TOP1: variants seen among roughly 807,000 people sequenced by gnomAD.
TOP1 encodes DNA topoisomerase 1.
A neutral mutation model predicts 111.1 loss-of-function variants in TOP1; 10 were observed. The ratio of observed to expected loss-of-function variants is 0.09; its 90% confidence interval spans 0.06 to 0.15. The LOEUF (loss-of-function observed/expected upper bound fraction) is 0.15, where lower values mean the gene tolerates loss of function less well. TOP1 is among the 10% of genes least tolerant of loss of function. The pLI is 1.00. For missense variants in TOP1, 474 were observed against 926.7 expected, an observed-to-expected ratio of 0.51 and a Z score of 6.34; for synonymous variants, 271 against 302.9, an observed-to-expected ratio of 0.89 and a Z score of 1.10.
chr20:41,028,885 A>G lies in TOP1; in HGVS notation c.-183A>G. The G allele has an allele frequency of 1.8e-6, 1 of 565,222 alleles. No homozygotes were observed. The highest frequency in any genetic ancestry group is 3.1e-6 in the Non-Finnish European group (1 of 321,914). 35.0% of individuals were successfully genotyped at this position (565,222 alleles called of 1,614,324 possible). A position where few individuals can be genotyped will look rare whatever the true frequency, so the allele number is the denominator to read the frequency against. Reference sequence around the variant, plus strand: ...TGTTCTCGCCGCCCGCCCGGCAGTCAGGCAGCGTCGCCGCCGTGGTAGCAG... The same window carrying G: ...TGTTCTCGCCGCCCGCCCGGCAGTCGGGCAGCGTCGCCGCCGTGGTAGCAG... On this transcript the variant is annotated 5_prime_UTR_variant, in exon 1 of 21. Transcript: ENST00000361337.
In TOP1 at chr20:41,114,900, A is replaced by G. The variant is rs1459905830; in HGVS notation, c.1639-471A>G. On this transcript the variant is annotated intron_variant, in intron 15 of 20. Coordinates refer to ENST00000361337, the MANE Select transcript of TOP1 (RefSeq NM_003286.4). The surrounding 1 kb of genome is among the most constrained non-coding windows in gnomAD (Gnocchi z 4.5). ...CATAAGGACACCATAATCAGTAATC[A>G]GGTTTTGCTGGCTGTGGAAGTACTC... 6.6e-6 allele frequency among the ~76,000 whole-genome samples: 1 copy of G among 152,214 alleles called. No homozygotes were observed. The highest frequency in any genetic ancestry group is 6.5e-5 in the Admixed American group (1 of 15,286).
At chr20:41,085,094 AAAACTC>A (rs2145940968) in intron 8 of TOP1, among the ~76,000 whole-genome samples, 1 of 152,278 alleles carries the variant, frequency 6.6e-6, no homozygotes, top group East Asian at 1.9e-4. Flanking sequence ...AAAAAAAAAA[AAAACTC>A]AAGGCAAAAT....
chr20:41,117,337 AAATAAT>A, intron 17 of TOP1, among the ~76,000 whole-genome samples: 1 of 151,866 alleles, frequency 6.6e-6, no homozygotes, highest in African/African-American at 2.4e-5. Flanking sequence ...GCTATCTCTA[AAATAAT>A]AATAATAACC....
intron 2 of TOP1, among the ~76,000 whole-genome samples, chr20:41,052,922 G>GGA (rs1326923474): frequency 2.6e-5 from 4 of 152,118 alleles, no homozygotes; most frequent in Non-Finnish European, 5.9e-5. Context: ...CCTGGGAGGC[G>GGA]GAGGTTGCAG....
chr20:41,085,871 G>C (rs2033841835), intron 8 of TOP1, among the ~76,000 whole-genome samples: 1 of 152,238 alleles, frequency 6.6e-6, no homozygotes, highest in African/African-American at 2.4e-5. Flanking sequence ...ACAGCTATGT[G>C]ATTCGCATGT....
chr20:41,059,881 C>G (rs1477912669), intron 2 of TOP1, among the ~76,000 whole-genome samples: 1 of 152,178 alleles, frequency 6.6e-6, no homozygotes, highest in Non-Finnish European at 1.5e-5. Context: ...GCAGATACTT[C>G]ACCAAAGAAG....
chr20:41,047,898 G>A (rs2033352975), intron 2 of TOP1, among the ~76,000 whole-genome samples: 1 of 152,120 alleles, frequency 6.6e-6, no homozygotes, highest in Non-Finnish European at 1.5e-5. Context: ...CCACCCATTA[G>A]CGTCCAGACA....
At chr20:41,036,794 C>T (rs1245057119) in intron 2 of TOP1, among the ~76,000 whole-genome samples, 3 of 150,350 alleles carry the variant, frequency 2.0e-5, no homozygotes, top group Admixed American at 2.0e-4. Flanking sequence ...TAGGTTTGGG[C>T]TGAGAAGGAT....
rs762357920 is a variant in TOP1 at position 41,029,507 on chromosome 20, C to T, written c.58+52C>T. 1 of 1,458,940 alleles carries T rather than the reference C, an allele frequency of 6.9e-7. No homozygotes were observed. Among genetic ancestry groups the T allele is most frequent in the East Asian group, 2.5e-5 (1 of 39,508 alleles). 90.4% of individuals were successfully genotyped at this position (1,458,940 alleles called of 1,614,324 possible). ...GGGGCCCCCCAGCCGCCGGCCGCCT[C>T]CCCCGCGCCCTGCCGGTGCCGGGCA... On this transcript the variant is annotated intron_variant, in intron 2 of 20. Coordinates refer to ENST00000361337, the MANE Select transcript of TOP1 (RefSeq NM_003286.4). The surrounding 1 kb of genome is among the most constrained non-coding windows in gnomAD (Gnocchi z 6.1).
Position 41,121,665 on chromosome 20 carries a change from C to T in TOP1, c.1951-31C>T. The T allele has an allele frequency of 1.3e-6, 2 of 1,577,660 alleles. No individual in the cohort carries two copies. Among genetic ancestry groups the T allele is most frequent in the Non-Finnish European group, 8.7e-7 (1 of 1,146,922 alleles). ...AGGTGGAGCCATTTTTCCTCTACAG[C>T]TCATAACCTTACCACTATTATTTCC... On this transcript the variant is annotated intron_variant, in intron 18 of 20. Coordinates refer to ENST00000361337, the MANE Select transcript of TOP1 (RefSeq NM_003286.4). The surrounding 1 kb of genome is among the most constrained non-coding windows in gnomAD (Gnocchi z 4.2).
At chr20:41,065,057 C>T (rs542031203) in intron 3 of TOP1, among the ~76,000 whole-genome samples, 12 of 152,040 alleles carry the variant, frequency 7.9e-5, no homozygotes, top group East Asian at 1.9e-4. Context: ...GTGCGTGCCC[C>T]GACACCCAGC....
rs942008739 is a variant in TOP1 at position 41,123,741 on chromosome 20, C to T, written c.*444C>T. On this transcript the variant is annotated 3_prime_UTR_variant, in exon 21 of 21. Coordinates refer to ENST00000361337, the MANE Select transcript of TOP1 (RefSeq NM_003286.4). The surrounding 1 kb of genome is among the most constrained non-coding windows in gnomAD (Gnocchi z 5.8). ...ATTCCTAAACTCCCTTCCCTCTCTC[C>T]CATTTCAGGAATTTAAAATTAAGTA... is the stretch of plus-strand genomic sequence containing the variant. The T allele has an allele frequency of 4.3e-6, 1 of 232,050 alleles. No homozygotes were observed. Among genetic ancestry groups the T allele is most frequent in the African/African-American group, 2.2e-5 (1 of 45,228 alleles). The allele number at this position is 232,050 out of a possible 1,614,324, so 14.4% of individuals were successfully genotyped here. A position where few individuals can be genotyped will look rare whatever the true frequency, so the allele number is the denominator to read the frequency against.
rs1021915728 is a variant in TOP1, at chr20:41,046,158, T to C, written c.59-15236T>C. ...GAAATAAATAGCTGATATTTGAACATTTTTAATGCCCTAGGCAGCGTCTTA... is the reference window on the plus strand; with the variant it reads ...GAAATAAATAGCTGATATTTGAACACTTTTAATGCCCTAGGCAGCGTCTTA... On this transcript the variant is annotated intron_variant, in intron 2 of 20. Coordinates refer to ENST00000361337, the MANE Select transcript of TOP1 (RefSeq NM_003286.4). The surrounding 1 kb of genome is among the most constrained non-coding windows in gnomAD (Gnocchi z 4.3). Among the ~76,000 whole-genome samples, 1 of 152,230 alleles carries C rather than the reference T, an allele frequency of 6.6e-6. No homozygotes were observed. Among genetic ancestry groups the C allele is most frequent in the Non-Finnish European group, 1.5e-5 (1 of 68,036 alleles).
intron 2 of TOP1, among the ~76,000 whole-genome samples, chr20:41,038,503 G>A (rs2033217797): frequency 6.6e-6 from 1 of 152,106 alleles, no homozygotes; most frequent in African/African-American, 2.4e-5. Flanking sequence ...TATATCTATT[G>A]TGAAATTTTA....
chr20:41,045,785 C>G (rs6102257), intron 2 of TOP1, among the ~76,000 whole-genome samples: 3,170 of 152,198 alleles, frequency 0.021, 102 homozygotes, highest in African/African-American at 0.072. Flanking sequence ...TGTAGACTAC[C>G]AAATAGCACC....
At chr20:41,039,943 C>G (rs916577974) in intron 2 of TOP1, among the ~76,000 whole-genome samples, 3 of 152,126 alleles carry the variant, frequency 2.0e-5, no homozygotes, top group Non-Finnish European at 4.4e-5. Flanking sequence ...ATTTCCTGAG[C>G]AGGTAGGTTG....
intron 2 of TOP1, among the ~76,000 whole-genome samples, chr20:41,050,578 T>C (rs1568675790): frequency 6.6e-6 from 1 of 152,194 alleles, no homozygotes; most frequent in Non-Finnish European, 1.5e-5. Context: ...GTGTCCTGGA[T>C]TGAAACTGGA....
intron 2 of TOP1, among the ~76,000 whole-genome samples, chr20:41,033,918 T>A (rs1347381753): frequency 2.6e-5 from 4 of 152,120 alleles, no homozygotes; most frequent in South Asian, 2.1e-4. Flanking sequence ...AATTCAAATG[T>A]AATTAGTTTG....
chr20:41,121,969 C>G lies in TOP1; in HGVS notation c.2046-37C>G, dbSNP rs757839690. Reference sequence around the variant, plus strand: ...GGTACAGTGTGCTCTTGTCTAGAGCCCAGGCCTGGTTCTTGAGGACTTTGC... The same window carrying G: ...GGTACAGTGTGCTCTTGTCTAGAGCGCAGGCCTGGTTCTTGAGGACTTTGC... On this transcript the variant is annotated intron_variant, in intron 19 of 20. Transcript: ENST00000361337. This position sits in a 1 kb window ranked among gnomAD's most constrained non-coding sequence, Gnocchi z 4.2. 4.3e-6 allele frequency: 7 copies of G among 1,611,436 alleles called. No homozygotes were observed. Among genetic ancestry groups the G allele is most frequent in the Non-Finnish European group, 5.9e-6 (7 of 1,178,720 alleles).
Sources: allele counts gnomAD v4.1 joint callset (sites outside exome capture counted in the v4.1 genomes callset), GRCh38; gene constraint gnomAD v4.1.1; non-coding constraint Gnocchi (gnomAD v3.1); transcripts MANE v1.5; gene names NCBI Gene and HGNC (gene_info 2026-07-23, HGNC 2026-07-21).